Variants in LEPR observed in about 807,000 individuals in gnomAD.
LEPR encodes the protein leptin receptor, also known as OB receptor.
Under a neutral mutation model 114.7 loss-of-function variants are expected in LEPR, and 56 were observed. The ratio of observed to expected loss-of-function variants is 0.49; its 90% CI spans 0.39 to 0.61. The LOEUF (loss-of-function observed/expected upper bound fraction) is 0.61. Ranked by LOEUF, LEPR falls within the 20% of genes least tolerant of loss-of-function variation. LEPR has a pLI of 0.00. For synonymous variants in LEPR, 443 were observed against 461.4 expected (o/e 0.96, Z 0.51); for missense variants, 1,202 against 1,352.9 (o/e 0.89, Z 1.75).
intron 19 of LEPR, 34 bp from the exon 20 acceptor site, chr1:65,636,157 A>G (rs1481573292): frequency 6.2e-7 from 1 of 1,612,444 alleles, no homozygotes; most frequent in African/African-American, 1.3e-5. Context: ...ATTTTTTAAC[A>G]TAATTGAGCC....
At chr1:65,455,245 G>T (rs538789715) in intron 2 of LEPR, among the ~76,000 whole-genome samples, 1 of 152,092 alleles carries the variant, frequency 6.6e-6, no homozygotes, top group African/African-American at 2.4e-5. Flanking sequence ...CCCGTAGCTC[G>T]TAGTAATTTG....
intron 2 of LEPR, among the ~76,000 whole-genome samples, chr1:65,451,837 G>T (rs1026681854): frequency 1.3e-5 from 2 of 151,898 alleles, no homozygotes; most frequent in African/African-American, 4.8e-5. Context: ...AGCTTGATGG[G>T]TATGGCATTG....
intron 7 of LEPR, 38 bp downstream of exon 7, chr1:65,596,631 A>G (rs761014433): frequency 6.3e-7 from 1 of 1,587,072 alleles, no homozygotes; most frequent in African/African-American, 1.3e-5. Context: ...AAAGTTGAGA[A>G]GTAAATAAAG....
At position 65,633,683 on chromosome 1, in the gene LEPR, C is replaced by A; in HGVS notation, c.2674-2508C>A. ...TCCATTTTAGATTCCTTTATAGACA[C>A]GTCAGCCTAAAAATCAGCCTATTCG... On this transcript the variant is annotated intron_variant, in intron 19 of 19. Coordinates refer to ENST00000349533, the MANE Select transcript of LEPR (RefSeq NM_002303.6). The surrounding 1 kb of genome is among the most constrained non-coding windows in gnomAD (Gnocchi z 4.1). 1.0e-6 allele frequency: 1 copy of A among 985,518 alleles called. No homozygotes were observed. The highest frequency in any genetic ancestry group is 1.2e-6 in the Non-Finnish European group (1 of 829,996). 61.0% of individuals were successfully genotyped at this position (985,518 alleles called of 1,614,324 possible). A position where few individuals can be genotyped will look rare whatever the true frequency, so the allele number is the denominator to read the frequency against.
At chr1:65,574,799 G>T (rs929314395) in intron 5 of LEPR, among the ~76,000 whole-genome samples, 5 of 152,218 alleles carry the variant, frequency 3.3e-5, no homozygotes, top group Non-Finnish European at 7.3e-5. Flanking sequence ...GGTGTGAGTA[G>T]TGAGTAGTCA....
chr1:65,501,292 C>G (rs912726291), intron 2 of LEPR, among the ~76,000 whole-genome samples: 12 of 151,386 alleles, frequency 7.9e-5, no homozygotes, highest in Non-Finnish European at 1.3e-4. Context: ...CCCTCTGAAG[C>G]CTTTAGGGGA....
At chr1:65,634,715 C>A (rs1658654316) in intron 19 of LEPR, 2 of 947,774 alleles carry the variant, frequency 2.1e-6, no homozygotes, top group Non-Finnish European at 2.5e-6. Context: ...TGTATGTATT[C>A]CTTGTTTTCA....
Position 65,619,977 on chromosome 1 carries a change from T to A in LEPR, c.2445T>A (p.Phe815Leu). The A allele has an allele frequency of 6.2e-7, 1 of 1,612,342 alleles. No individual in the cohort carries two copies. The highest frequency in any genetic ancestry group is 8.5e-7 in the Non-Finnish European group (1 of 1,178,752). ...EKYQFSLYPI[F>L]MEGVGKPKII... ...ACCAGTTCAGTCTTTACCCAATATT[T>A]ATGGAAGGAGTGGGAAAACCAAAGA... Residue 815 changes from phenylalanine (F) to leucine (L), a missense_variant, in exon 17 of 20, where the codon TTT (phenylalanine) becomes TTA (leucine). Coordinates refer to ENST00000349533, the MANE Select transcript of LEPR (RefSeq NM_002303.6).
chr1:65,454,659 G>C (rs975063639), intron 2 of LEPR, among the ~76,000 whole-genome samples: 1 of 152,184 alleles, frequency 6.6e-6, no homozygotes, highest in African/African-American at 2.4e-5. Context: ...TCCACTGTTA[G>C]TCTGATGGGC....
chr1:65,476,183 A>G (rs535036605), intron 2 of LEPR, among the ~76,000 whole-genome samples: 34 of 150,626 alleles, frequency 2.3e-4, no homozygotes, highest in African/African-American at 8.1e-4. Flanking sequence ...AAATCCAAAA[A>G]TTATTACATT....
At chr1:65,590,823 A>G (rs1655644559) in intron 5 of LEPR, among the ~76,000 whole-genome samples, 1 of 150,016 alleles carries the variant, frequency 6.7e-6, no homozygotes, top group Non-Finnish European at 1.5e-5. Context: ...ATTCTATTTC[A>G]TTATATTCTG....
intron 3 of LEPR, among the ~76,000 whole-genome samples, chr1:65,566,530 G>C (rs1193813181): frequency 1.3e-5 from 2 of 152,148 alleles, no homozygotes; most frequent in African/African-American, 4.8e-5. Context: ...TGAGCATACT[G>C]TTCTCACGTG....
chr1:65,523,299 A>G (rs938864840), intron 2 of LEPR, among the ~76,000 whole-genome samples: 1 of 152,014 alleles, frequency 6.6e-6, no homozygotes. Flanking sequence ...AATGATACTT[A>G]TTTTTATTTT....
intron 19 of LEPR, chr1:65,626,370 T>G (rs1658214953): frequency 8.4e-7 from 1 of 1,195,080 alleles, no homozygotes; most frequent in African/African-American, 1.6e-5. Flanking sequence ...TTTGTAGGAC[T>G]GATTTTTTAA....
chr1:65,593,669 C>G (rs1655856223), intron 6 of LEPR, among the ~76,000 whole-genome samples: 1 of 152,028 alleles, frequency 6.6e-6, no homozygotes, highest in Admixed American at 6.6e-5. Context: ...AGCTTTACTT[C>G]TTTCTAAGTT....
intron 2 of LEPR, among the ~76,000 whole-genome samples, chr1:65,465,446 T>G (rs1208362031): frequency 1.3e-5 from 2 of 152,210 alleles, no homozygotes; most frequent in Non-Finnish European, 2.9e-5. Flanking sequence ...TACTACCAAT[T>G]ATGTGATCAA....
chr1:65,570,681 C>G lies in LEPR; in HGVS notation c.249C>G (p.Ser83=). ...GTGGTACTCACTTTTCTAACTTATC[C>G]AAAACAACTTTCCACTGTTGCTTTC... ...NSSGTHFSNL[S]KTTFHCCFRS... The change falls in exon 4 of 20, where the codon TCC becomes TCG. Residue 83 remains serine (S), a synonymous_variant. Transcript: ENST00000349533. The G allele has an allele frequency of 6.2e-7, 1 of 1,613,872 alleles. No individual in the cohort carries two copies. Among genetic ancestry groups the G allele is most frequent in the Non-Finnish European group, 8.5e-7 (1 of 1,179,886 alleles).
chr1:65,498,356 A>G (rs977662021), intron 2 of LEPR, among the ~76,000 whole-genome samples: 18 of 152,094 alleles, frequency 1.2e-4, no homozygotes, highest in African/African-American at 4.3e-4. Context: ...TTTTCTTTCC[A>G]TCATTCTTTG....
chr1:65,509,504 G>A (rs1251445925), intron 2 of LEPR, among the ~76,000 whole-genome samples: 1 of 152,076 alleles, frequency 6.6e-6, no homozygotes, highest in Non-Finnish European at 1.5e-5. Flanking sequence ...TCAATTGAAT[G>A]TGTTTTATAA....
Sources: gnomAD v4.1 joint callset for allele counts (sites outside exome capture counted in the v4.1 genomes callset) on GRCh38, gnomAD v4.1.1 for gene constraint, Gnocchi (gnomAD v3.1) non-coding constraint, MANE v1.5 for transcripts, NCBI Gene and HGNC (gene_info 2026-07-23, HGNC 2026-07-21) for gene names.